Variants in ANKS1B observed in about 807,000 individuals in gnomAD.
ANKS1B encodes the protein ankyrin repeat and sterile alpha motif domain containing 1B.
A neutral mutation model predicts 148.3 loss-of-function variants in ANKS1B; 36 were observed. The observed-to-expected ratio is 0.24, with a 90% CI of 0.19 to 0.32. The LOEUF (loss-of-function observed/expected upper bound fraction) is 0.32. ANKS1B is among the 10% of genes least tolerant of loss of function. ANKS1B has a pLI of 1.00. For synonymous variants in ANKS1B, 542 were observed against 560.8 expected (o/e 0.97, Z 0.47); for missense variants, 1,157 against 1,542.6 (o/e 0.75, Z 4.19).
At chr12:99,198,269 A>C (rs558640012) in intron 14 of ANKS1B, among the ~76,000 whole-genome samples, 1 of 152,350 alleles carries the variant, frequency 6.6e-6, no homozygotes, top group South Asian at 2.1e-4. Context: ...TGTATATCAC[A>C]GGTAAAGCAT....
intron 22 of ANKS1B, among the ~76,000 whole-genome samples, chr12:98,798,490 AT>A (rs1259117572): frequency 1.3e-5 from 2 of 149,088 alleles, no homozygotes; most frequent in Non-Finnish European, 3.0e-5. Context: ...ATTTAAAAAA[AT>A]AAAAAAAAAA....
chr12:99,797,103 T>C (rs898137437), intron 4 of ANKS1B, among the ~76,000 whole-genome samples: 5 of 152,004 alleles, frequency 3.3e-5, no homozygotes, highest in African/African-American at 9.7e-5. Context: ...TGTTGTCACA[T>C]AGTGTACAGA....
At chr12:98,815,003 T>G (rs2099128171) in intron 19 of ANKS1B, among the ~76,000 whole-genome samples, 1 of 152,182 alleles carries the variant, frequency 6.6e-6, no homozygotes, top group Non-Finnish European at 1.5e-5. Flanking sequence ...ACAACACAAC[T>G]GCATTCAAAT....
chr12:99,513,136 C>T (rs769513567), intron 9 of ANKS1B, among the ~76,000 whole-genome samples: 1 of 151,774 alleles, frequency 6.6e-6, no homozygotes, highest in Non-Finnish European at 1.5e-5. Context: ...CAAATCAAGG[C>T]AAGACCCTCC....
chr12:98,913,922 C>T (rs74239097), intron 17 of ANKS1B, among the ~76,000 whole-genome samples: 10,765 of 152,260 alleles, frequency 0.071, 863 homozygotes, highest in East Asian at 0.36. Flanking sequence ...CAAACCTGCT[C>T]TTCTTAGCAG....
At chr12:99,758,206 G>A (rs993451775) in intron 8 of ANKS1B, among the ~76,000 whole-genome samples, 2 of 151,996 alleles carry the variant, frequency 1.3e-5, no homozygotes, top group African/African-American at 4.8e-5. Context: ...AATTAAGAGA[G>A]ACTGATTGCA....
chr12:99,133,917 T>C (rs1252712241), intron 15 of ANKS1B, among the ~76,000 whole-genome samples: 1 of 152,208 alleles, frequency 6.6e-6, no homozygotes, highest in East Asian at 1.9e-4. Flanking sequence ...AATTAGCATG[T>C]TGTTACCGTG....
chr12:99,284,505 C>A (rs1016893844), intron 12 of ANKS1B, among the ~76,000 whole-genome samples: 2 of 152,100 alleles, frequency 1.3e-5, no homozygotes, highest in African/African-American at 4.8e-5. Flanking sequence ...TTTAACAATC[C>A]CGAAAGCCAT....
intron 1 of ANKS1B, among the ~76,000 whole-genome samples, chr12:99,912,657 T>C (rs1204821917): frequency 1.3e-5 from 2 of 152,180 alleles, no homozygotes; most frequent in Non-Finnish European, 2.9e-5. Context: ...TGGCCCCAGT[T>C]AATTTTTTTA....
At chr12:99,712,649 C>A (rs2056793955) in intron 8 of ANKS1B, among the ~76,000 whole-genome samples, 3 of 152,148 alleles carry the variant, frequency 2.0e-5, no homozygotes, top group Non-Finnish European at 4.4e-5. Flanking sequence ...AGAAAAATAC[C>A]TCTCCATCTG....
intron 17 of ANKS1B, among the ~76,000 whole-genome samples, chr12:99,035,030 G>A (rs779336933): frequency 4.6e-5 from 7 of 152,062 alleles, no homozygotes; most frequent in Non-Finnish European, 1.0e-4. Flanking sequence ...GAAGGTGTTG[G>A]GGCTTAGAAA....
chr12:99,904,383 G>T (rs2093706960), intron 1 of ANKS1B, among the ~76,000 whole-genome samples: 1 of 151,764 alleles, frequency 6.6e-6, no homozygotes, highest in African/African-American at 2.4e-5. Context: ...GTAGAAGAGG[G>T]GTTTCACCAT....
intron 14 of ANKS1B, among the ~76,000 whole-genome samples, chr12:99,207,781 A>T (rs2082862771): frequency 6.6e-6 from 1 of 152,100 alleles, no homozygotes; most frequent in African/African-American, 2.4e-5. Flanking sequence ...TGTTTTTGTT[A>T]AGGAAGAAAG....
At chr12:98,836,280 C>CT (rs752546806) in intron 17 of ANKS1B, among the ~76,000 whole-genome samples, 3 of 152,130 alleles carry the variant, frequency 2.0e-5, no homozygotes, top group Non-Finnish European at 4.4e-5. Context: ...AAATAATTCA[C>CT]TTTTTAGTAA....
chr12:99,844,390 T>C (rs551205842), intron 1 of ANKS1B, among the ~76,000 whole-genome samples: 14 of 152,310 alleles, frequency 9.2e-5, no homozygotes, highest in Middle Eastern at 3.4e-3. Context: ...ATTTAAGTCT[T>C]TAATATATCT....
exon 10 of ANKS1B, chr12:98,735,193 G>T (rs186272491): frequency 1.6e-3 from 631 of 398,890 alleles, no homozygotes; most frequent in South Asian, 1.4e-3. Flanking sequence ...GGAGGATTTT[G>T]TTTTGTAGTT....
chr12:99,843,013 G>A (rs2086013826), intron 1 of ANKS1B, among the ~76,000 whole-genome samples: 1 of 151,982 alleles, frequency 6.6e-6, no homozygotes, highest in Admixed American at 6.6e-5. Flanking sequence ...GTATTTCTAA[G>A]TTTGCTTCAT....
chr12:98,897,861 C>T (rs566940397), intron 17 of ANKS1B, among the ~76,000 whole-genome samples: 203 of 152,282 alleles, frequency 1.3e-3, no homozygotes, highest in African/African-American at 4.6e-3. Context: ...TAAATATACA[C>T]CATGGGATAC....
In ANKS1B at chr12:98,825,990, A is replaced by G. The variant is rs545908691; in HGVS notation, c.3066+3184T>C. ...TTAAAATCACTATGCACATTAAGGT[A>G]TAATTACACATATGTGAATGCAACA... On this transcript the variant is annotated intron_variant, in intron 19 of 26. Coordinates refer to ENST00000683438, the MANE Select transcript of ANKS1B (RefSeq NM_001352186.2). 2.8e-4 allele frequency among the ~76,000 whole-genome samples: 43 copies of G among 152,354 alleles called. No homozygotes were observed. In the East Asian group the frequency reaches 4.2e-3, roughly 15 times the overall value.
Sources: allele counts gnomAD v4.1 joint callset (sites outside exome capture counted in the v4.1 genomes callset), GRCh38; gene constraint gnomAD v4.1.1; transcripts MANE v1.5; gene names NCBI Gene and HGNC (gene_info 2026-07-23, HGNC 2026-07-21).